PLCB4: variants seen among roughly 807,000 people sequenced by gnomAD.
PLCB4 encodes the protein 1-phosphatidylinositol 4,5-bisphosphate phosphodiesterase beta-4.
PLCB4 carries 77 observed loss-of-function variants against 178.8 expected under a neutral mutation model. That is an observed-to-expected ratio of 0.43 (90% confidence interval 0.36 to 0.52). The LOEUF (loss-of-function observed/expected upper bound fraction) is 0.52. Ranked by LOEUF, PLCB4 falls within the 20% of genes least tolerant of loss-of-function variation. The pLI is 0.00. For missense variants in PLCB4, 1,024 were observed against 1,453.4 expected (o/e 0.70, Z 4.80); for synonymous variants, 496 against 490.8 (o/e 1.01, Z -0.14).
rs1199342945 is a variant in PLCB4 at position 9,461,760 on chromosome 20, A to G, written c.3248+1950A>G. ...GTAAACAAAGTGGCCAGGAAGCTCA[A>G]ATTGGGTGGAGCCCACTGCAGCTCA... On this transcript the variant is annotated intron_variant, in intron 35 of 39. Coordinates refer to ENST00000378473, the MANE Select transcript of PLCB4 (RefSeq NM_001377142.1). Among the ~76,000 whole-genome samples the G allele has an allele frequency of 2.0e-5, 3 of 152,146 alleles. No homozygotes were observed. In the East Asian group the frequency reaches 5.8e-4, roughly 29 times the overall value.
At chr20:9,332,019 T>C (rs375051750) in intron 4 of PLCB4, among the ~76,000 whole-genome samples, 6 of 152,336 alleles carry the variant, frequency 3.9e-5, no homozygotes, top group African/African-American at 1.4e-4. Flanking sequence ...TGAGCTAACG[T>C]GTCCTTGAGC....
chr20:9,234,786 A>ATC (rs963277836), intron 3 of PLCB4, among the ~76,000 whole-genome samples: 17 of 152,234 alleles, frequency 1.1e-4, no homozygotes, highest in Admixed American at 3.9e-4. Flanking sequence ...GCATAGGAAA[A>ATC]AGAGGCTGGT....
intron 2 of PLCB4, among the ~76,000 whole-genome samples, chr20:9,155,240 T>C (rs1247843859): frequency 6.6e-6 from 1 of 152,074 alleles, no homozygotes; most frequent in Non-Finnish European, 1.5e-5. Flanking sequence ...TTTAGAATAA[T>C]GTCTCCAGCG....
At chr20:9,329,936 C>T (rs1386609092) in intron 4 of PLCB4, among the ~76,000 whole-genome samples, 5 of 152,128 alleles carry the variant, frequency 3.3e-5, no homozygotes, top group African/African-American at 9.7e-5. Context: ...CCATGCCCAT[C>T]TATTACATCA....
intron 2 of PLCB4, among the ~76,000 whole-genome samples, chr20:9,142,506 A>G (rs1007181777): frequency 3.3e-5 from 5 of 152,178 alleles, no homozygotes; most frequent in Non-Finnish European, 5.9e-5. Flanking sequence ...AATAAATCCA[A>G]TGAACACAAA....
intron 3 of PLCB4, among the ~76,000 whole-genome samples, chr20:9,274,732 A>G (rs912673246): frequency 3.9e-5 from 6 of 152,008 alleles, no homozygotes; most frequent in Admixed American, 6.6e-5. Context: ...CCATCTGCTG[A>G]TAGGTTTTCT....
At chr20:9,363,744 A>G (rs1035577846) in intron 8 of PLCB4, among the ~76,000 whole-genome samples, 7 of 152,218 alleles carry the variant, frequency 4.6e-5, no homozygotes, top group African/African-American at 1.7e-4. Context: ...TCACAGGGCC[A>G]TTGGCAGGCA....
chr20:9,437,340 C>T (rs527891894), intron 30 of PLCB4, among the ~76,000 whole-genome samples, 188 bp downstream of exon 30: 6 of 152,276 alleles, frequency 3.9e-5, no homozygotes, highest in African/African-American at 1.4e-4. Flanking sequence ...CTGGACAGGC[C>T]GTGGGCTCAT....
chr20:9,309,812 G>GT (rs1239239773), intron 4 of PLCB4, among the ~76,000 whole-genome samples: 28 of 151,938 alleles, frequency 1.8e-4, no homozygotes, highest in South Asian at 1.5e-3. Context: ...TATTGCTTGT[G>GT]TTTTTTTTGA....
rs1255822336 is a variant in PLCB4 at position 9,479,773 on chromosome 20, A to G, written c.*764A>G. On this transcript the variant is annotated 3_prime_UTR_variant, in exon 40 of 40. Coordinates refer to ENST00000378473, the MANE Select transcript of PLCB4 (RefSeq NM_001377142.1). The stretch of plus-strand genomic sequence containing the variant: ...CAAACGTTTGTAAATGTGACCATGT[A>G]TAAAGTATTTATACTCTTTAATTCA... The G allele has an allele frequency of 6.5e-6, 1 of 152,682 alleles. No individual in the cohort carries two copies. The highest frequency in any genetic ancestry group is 2.1e-4 in the South Asian group (1 of 4,834). 9.5% of individuals were successfully genotyped at this position (152,682 alleles called of 1,614,324 possible).
chr20:9,384,029 A>G (rs1206017965), intron 13 of PLCB4, among the ~76,000 whole-genome samples, 172 bp from the exon 14 acceptor site: 1 of 152,230 alleles, frequency 6.6e-6, no homozygotes, highest in Admixed American at 6.5e-5. Flanking sequence ...TGTTACTTAT[A>G]ATGTGCAACT....
chr20:9,418,946 A>G (rs983864606), intron 25 of PLCB4, among the ~76,000 whole-genome samples: 8 of 151,956 alleles, frequency 5.3e-5, no homozygotes, highest in African/African-American at 1.9e-4. Flanking sequence ...TGTTTTCTTA[A>G]TTTCATTTTT....
chr20:9,211,626 T>G (rs1327837926), intron 2 of PLCB4, among the ~76,000 whole-genome samples: 1 of 151,988 alleles, frequency 6.6e-6, no homozygotes, highest in Admixed American at 6.5e-5. Context: ...TCTTTTCCAC[T>G]TAAATGTATT....
At chr20:9,092,575 T>C (rs867604292) in intron 1 of PLCB4, among the ~76,000 whole-genome samples, 3 of 152,126 alleles carry the variant, frequency 2.0e-5, no homozygotes, top group African/African-American at 7.2e-5. Context: ...CTGGTGTATA[T>C]ATTAGAATAT....
At chr20:9,275,551 G>A (rs1436836412) in intron 3 of PLCB4, among the ~76,000 whole-genome samples, 1 of 152,022 alleles carries the variant, frequency 6.6e-6, no homozygotes, top group Admixed American at 6.6e-5. Context: ...CTTGTTCTGT[G>A]CCATTCCTAG....
intron 7 of PLCB4, among the ~76,000 whole-genome samples, chr20:9,357,279 G>A (rs1054855449): frequency 1.3e-5 from 2 of 152,166 alleles, no homozygotes; most frequent in Non-Finnish European, 2.9e-5. Context: ...GCTGCCTATA[G>A]CATCTTGCAT....
intron 3 of PLCB4, among the ~76,000 whole-genome samples, chr20:9,294,624 T>A (rs2094613276): frequency 6.6e-6 from 1 of 152,130 alleles, no homozygotes; most frequent in South Asian, 2.1e-4. Flanking sequence ...TGGATAAGGA[T>A]TTAAAGACCA....
At chr20:9,206,095 A>C (rs1292748072) in intron 2 of PLCB4, among the ~76,000 whole-genome samples, 1 of 152,136 alleles carries the variant, frequency 6.6e-6, no homozygotes, top group Non-Finnish European at 1.5e-5. Flanking sequence ...TGTTTGTTAG[A>C]AGTAATTAAA....
rs570690746 is a variant in PLCB4, at chr20:9,172,806, G to A, written c.-78-44584G>A. Reference sequence around the variant, plus strand: ...ATTATATTAAGGCAAAATAATCTGGGGTTTTCTGTTTTGTTTTTGTCTTTG... The same window carrying A: ...ATTATATTAAGGCAAAATAATCTGGAGTTTTCTGTTTTGTTTTTGTCTTTG... On this transcript the variant is annotated intron_variant, in intron 2 of 39. Coordinates refer to ENST00000378473, the MANE Select transcript of PLCB4 (RefSeq NM_001377142.1). Among the ~76,000 whole-genome samples, 272 of 152,126 alleles carry A rather than the reference G, an allele frequency of 1.8e-3. 1 individual carries two copies. The highest frequency in any genetic ancestry group is 0.014 in the Middle Eastern group (4 of 294).
Sources: allele counts gnomAD v4.1 joint callset (sites outside exome capture counted in the v4.1 genomes callset), GRCh38; gene constraint gnomAD v4.1.1; transcripts MANE v1.5; gene names NCBI Gene and HGNC (gene_info 2026-07-23, HGNC 2026-07-21).